Variants in HESX1 observed in about 807,000 individuals in gnomAD.
The protein encoded by HESX1 is HESX homeobox 1.
A neutral mutation model predicts 22.5 loss-of-function variants in HESX1; 11 were observed. That is an observed-to-expected ratio of 0.49 (90% CI 0.31 to 0.81). HESX1 has a LOEUF of 0.81. Among genes scored for constraint, HESX1 ranks in the 30% least tolerant of loss-of-function variants. HESX1 has a pLI of 0.05. For synonymous variants in HESX1, 74 were observed against 76.5 expected (o/e 0.97, Z 0.17); for missense variants, 201 against 212.6 (o/e 0.95, Z 0.34).
rs61589498 is a variant in HESX1, at chr3:57,199,651, ATAAAT to A, written c.157+106_157+110del. ...AAAAAAAAAATAATAAATAATAATAATAAATTAAATTAAAGTCCTAAACTCTAGCT... is the reference window on the plus strand; with the variant it reads ...AAAAAAAAAATAATAAATAATAATAATAAATTAAAGTCCTAAACTCTAGCT... On this transcript the variant is annotated intron_variant, in intron 1 of 3. Transcript: ENST00000295934. The A allele has an allele frequency of 0.43, 286,696 of 665,340 alleles. 68,914 individuals carry two copies. The highest frequency in any genetic ancestry group is 0.91 in the East Asian group (25,235 of 27,656). The allele number at this position is 665,340 out of a possible 1,614,324, so 41.2% of individuals were successfully genotyped here. A position where few individuals can be genotyped will look rare whatever the true frequency, so the allele number is the denominator to read the frequency against.
chr3:57,200,096 C>G (rs940602667), upstream of HESX1: 13 of 625,818 alleles, frequency 2.1e-5, no homozygotes, highest in Non-Finnish European at 2.6e-5. Context: ...GAACACTTGC[C>G]CAGCCAGCAG....
At chr3:57,218,124 T>C (rs1444517174) in intron 1 of HESX1, among the ~76,000 whole-genome samples, 1 of 152,208 alleles carries the variant, frequency 6.6e-6, no homozygotes, top group African/African-American at 2.4e-5. Flanking sequence ...TCATTTTTGG[T>C]TCAGGGGTAC....
intron 1 of HESX1, among the ~76,000 whole-genome samples, chr3:57,225,034 C>A (rs77338190): frequency 6.6e-6 from 1 of 152,206 alleles, no homozygotes; most frequent in Non-Finnish European, 1.5e-5. Flanking sequence ...ATTCTCTGAA[C>A]AAGCCTCATT....
At chr3:57,225,900 A>ATACG (rs1324494430) in intron 1 of HESX1, among the ~76,000 whole-genome samples, 1 of 84,726 alleles carries the variant, frequency 1.2e-5, no homozygotes, top group Non-Finnish European at 2.6e-5. Flanking sequence ...TTTTTTTTTG[A>ATACG]TACGTAGTCT....
At position 57,198,869 on chromosome 3, in the gene HESX1, C is replaced by T. The variant is rs745873579; in HGVS notation, c.241G>A (p.Glu81Lys). 1 of 1,614,146 alleles carries T rather than the reference C, an allele frequency of 6.2e-7. No individual in the cohort carries two copies. Among genetic ancestry groups the T allele is most frequent in the South Asian group, 1.1e-5 (1 of 91,088 alleles). Residue 81 changes from glutamate to lysine, a missense_variant, in exon 2 of 4, where the codon GAA becomes AAA. Glu to Lys is a moderately conservative substitution (Grantham distance 56). Coordinates refer to ENST00000295934, the MANE Select transcript of HESX1 (RefSeq NM_003865.3). ...TTTTCATATTTCGAAGCTCTTTCTT[C>T]TGGCATTGGGTGATCCACCACGCTA... ...FPSVVDHPMP[E>K]ERASKYENYF...
intron 1 of HESX1, among the ~76,000 whole-genome samples, chr3:57,211,871 G>A (rs139570034): frequency 6.6e-5 from 10 of 151,840 alleles, no homozygotes; most frequent in Non-Finnish European, 1.3e-4. Context: ...TAAAAATCTC[G>A]AGTCATGTTG....
In HESX1 at chr3:57,210,511, CT is replaced by C. The variant is rs573961870; in HGVS notation, c.-110-10484del. Among the ~76,000 whole-genome samples, 435 of 152,286 alleles carry C rather than the reference CT, an allele frequency of 2.9e-3. 13 individuals carry two copies. The highest frequency in any genetic ancestry group is 0.028 in the Admixed American group (422 of 15,290). The stretch of plus-strand genomic sequence containing the variant: ...TCCAGTGAACCTTGCCCCTTCCTTA[CT>C]TTTGCATAGGAATTGCACTGATTTC... On this transcript the variant is annotated intron_variant, in intron 1 of 2. Transcript: ENST00000495160.
intron 1 of HESX1, among the ~76,000 whole-genome samples, chr3:57,206,190 CA>C (rs1476940913): frequency 6.6e-6 from 1 of 151,862 alleles, no homozygotes; most frequent in Admixed American, 6.6e-5. Flanking sequence ...AACAACTTCT[CA>C]AAAAAACAAA....
upstream of HESX1, among the ~76,000 whole-genome samples, chr3:57,203,964 T>C (rs1036733027): frequency 2.6e-5 from 4 of 152,104 alleles, no homozygotes; most frequent in African/African-American, 9.7e-5. Context: ...CAGCCCCCTC[T>C]TGTGCTTTTG....
intron 1 of HESX1, among the ~76,000 whole-genome samples, chr3:57,223,550 C>T (rs1230382813): frequency 1.3e-5 from 2 of 152,130 alleles, no homozygotes; most frequent in Non-Finnish European, 2.9e-5. Context: ...CCTTAGTGCC[C>T]TCCCACCTCT....
In HESX1 at chr3:57,198,760, T is replaced by G. The variant is rs765353265; in HGVS notation, c.350A>C (p.Gln117Pro). The stretch of plus-strand genomic sequence containing the variant: ...GGTGAAAAAACTTCCCACCTGGTTT[T>G]GAGTAAAAGCAGTTCTTGGTCTTCG... ...RGRRPRTAFT[Q>P]NQIEVLENVF... Residue 117 changes from glutamine (Q) to proline (P), a missense_variant, in exon 2 of 4, where the codon CAA becomes CCA. By Grantham distance (76) the Gln-to-Pro change is moderately conservative. Coordinates refer to ENST00000295934, the MANE Select transcript of HESX1 (RefSeq NM_003865.3). 54 of 1,613,898 alleles carry G rather than the reference T, an allele frequency of 3.3e-5. 1 individual carries two copies. The highest frequency in any genetic ancestry group is 2.7e-4 in the Admixed American group (16 of 60,004).
upstream of HESX1, among the ~76,000 whole-genome samples, chr3:57,226,855 C>T (rs952605227): frequency 6.6e-6 from 1 of 152,148 alleles, no homozygotes; most frequent in Non-Finnish European, 1.5e-5. Context: ...TATACAGAGA[C>T]ATAAACGAGC....
intron 1 of HESX1, among the ~76,000 whole-genome samples, chr3:57,206,157 C>T (rs1484310265): frequency 5.9e-5 from 9 of 152,192 alleles, no homozygotes; most frequent in Non-Finnish European, 2.9e-5. Flanking sequence ...CGCCATTGCA[C>T]TCCAGCCTGG....
At chr3:57,207,518 A>T (rs2060526626) in intron 1 of HESX1, among the ~76,000 whole-genome samples, 1 of 152,188 alleles carries the variant, frequency 6.6e-6, no homozygotes, top group African/African-American at 2.4e-5. Flanking sequence ...TGGATTGTGG[A>T]TTGGACTTTC....
At chr3:57,209,550 T>C (rs963770121) in intron 1 of HESX1, among the ~76,000 whole-genome samples, 10 of 151,774 alleles carry the variant, frequency 6.6e-5, no homozygotes, top group African/African-American at 2.2e-4. Context: ...GGCAGCAGAA[T>C]TGCTTGAACT....
At chr3:57,201,632 A>G (rs970005264), upstream of HESX1, among the ~76,000 whole-genome samples, 3 of 150,118 alleles carry the variant, frequency 2.0e-5, no homozygotes, top group African/African-American at 7.4e-5. Context: ...TGAGAAAAGG[A>G]AACAGGTGAG....
intron 1 of HESX1, among the ~76,000 whole-genome samples, chr3:57,208,566 T>A (rs562594117): frequency 1.3e-5 from 2 of 148,700 alleles, no homozygotes; most frequent in African/African-American, 4.9e-5. Context: ...GCCAGGCTGG[T>A]CTCGAACTCC....
chr3:57,202,519 A>G (rs2060496196), upstream of HESX1, among the ~76,000 whole-genome samples: 1 of 152,038 alleles, frequency 6.6e-6, no homozygotes, highest in African/African-American at 2.4e-5. Context: ...TATTTTTAGT[A>G]GAGATGGGGG....
At chr3:57,211,527 CA>C (rs61137408) in intron 1 of HESX1, among the ~76,000 whole-genome samples, 43 of 31,984 alleles carry the variant, frequency 1.3e-3, no homozygotes, top group Middle Eastern at 0.028. Context: ...GAGACCTTGT[CA>C]AAAAAAAAAA....
Sources: allele counts gnomAD v4.1 joint callset (sites outside exome capture counted in the v4.1 genomes callset), GRCh38; gene constraint gnomAD v4.1.1; transcripts MANE v1.5; gene names NCBI Gene and HGNC (gene_info 2026-07-23, HGNC 2026-07-21).